Variants in EVC2 observed in about 807,000 individuals in gnomAD.
The protein encoded by EVC2 is limbin.
Under a neutral mutation model 149.3 loss-of-function variants are expected in EVC2, and 148 were observed. That is an observed-to-expected ratio of 0.99 (90% CI 0.87 to 1.14). The LOEUF (loss-of-function observed/expected upper bound fraction) is 1.14. EVC2 is among the 50% of genes most tolerant of loss of function. The probability of loss-of-function intolerance (pLI) is 0.00; values close to 1 mark genes in which losing one functional copy is unlikely to be tolerated. For synonymous variants in EVC2, 776 were observed against 649.9 expected, an observed-to-expected ratio of 1.19 and a Z score of -2.95; for missense variants, 1,854 against 1,627.3, an observed-to-expected ratio of 1.14 and a Z score of -2.40.
chr4:5,582,364 G>C (rs912710622), intron 17 of EVC2, among the ~76,000 whole-genome samples: 2 of 152,234 alleles, frequency 1.3e-5, no homozygotes, highest in Non-Finnish European at 2.9e-5. Flanking sequence ...ATGAGACATG[G>C]AGTCAAAGGA....
intron 16 of EVC2, among the ~76,000 whole-genome samples, chr4:5,588,002 TCTC>T (rs1712448716): frequency 6.6e-6 from 1 of 151,792 alleles, no homozygotes; most frequent in African/African-American, 2.4e-5. Context: ...TGAGGGGTGG[TCTC>T]CTCCCTGAGT....
chr4:5,560,816 G>C (rs1025375611), downstream of EVC2, among the ~76,000 whole-genome samples: 4 of 152,144 alleles, frequency 2.6e-5, no homozygotes, highest in Non-Finnish European at 5.9e-5. The surrounding 1 kb of genome is among the most constrained non-coding windows in gnomAD (Gnocchi z 4.1). Context: ...TACAGATAAA[G>C]AGACTGAAGT....
Position 5,668,789 on chromosome 4 carries a change from G to A in EVC2, c.871-3140C>T, listed in dbSNP as rs377412318. Among the ~76,000 whole-genome samples the A allele has an allele frequency of 3.3e-5, 5 of 152,294 alleles. No homozygotes were observed. In the South Asian group the frequency reaches 6.2e-4, roughly 19 times the overall value. On this transcript the variant is annotated intron_variant, in intron 7 of 21. Coordinates refer to ENST00000344408, the MANE Select transcript of EVC2 (RefSeq NM_147127.5). ...TAACAATTTTGATCACCAACAAAACGCCAATCTCTGGGCTAGGTAAATGTA... is the reference window on the plus strand; with the variant it reads ...TAACAATTTTGATCACCAACAAAACACCAATCTCTGGGCTAGGTAAATGTA...
intron 16 of EVC2, among the ~76,000 whole-genome samples, chr4:5,594,827 A>T (rs903693739): frequency 6.6e-6 from 1 of 152,304 alleles, no homozygotes; most frequent in African/African-American, 2.4e-5. Context: ...TTTGAAAAAA[A>T]TTTAGGCGAA....
chr4:5,586,435 TCCTCTCA>T (rs1712286326), intron 16 of EVC2, among the ~76,000 whole-genome samples: 2 of 152,070 alleles, frequency 1.3e-5, no homozygotes, highest in African/African-American at 4.8e-5. Flanking sequence ...AATGGACCAC[TCCTCTCA>T]GCAAGGGGAT....
intron 9 of EVC2, among the ~76,000 whole-genome samples, chr4:5,647,710 A>T (rs1168332217): frequency 6.6e-6 from 1 of 152,190 alleles, no homozygotes; most frequent in Non-Finnish European, 1.5e-5. Context: ...GGCAGGGAGG[A>T]CAGTGCCCCC....
the EVC2 span, among the ~76,000 whole-genome samples, chr4:5,537,434 C>CA: frequency 6.6e-6 from 1 of 152,284 alleles, no homozygotes; most frequent in South Asian, 2.1e-4. Context: ...TGTTTCCCAC[C>CA]AGCCAGACTT....
chr4:5,551,475 T>C (rs1215373433), intron 21 of EVC2, among the ~76,000 whole-genome samples: 1 of 152,250 alleles, frequency 6.6e-6, no homozygotes, highest in Admixed American at 6.5e-5. Context: ...GGAATGGCTG[T>C]ATTTACCCAA....
At chr4:5,598,206 T>A (rs922124556) in intron 16 of EVC2, among the ~76,000 whole-genome samples, 125 of 152,148 alleles carry the variant, frequency 8.2e-4, no homozygotes, top group Admixed American at 2.6e-3. Context: ...TTCACAGAAT[T>A]GGAAAAAACT....
At chr4:5,568,941 G>C (rs939265070) in intron 19 of EVC2, among the ~76,000 whole-genome samples, 1 of 152,218 alleles carries the variant, frequency 6.6e-6, no homozygotes, top group East Asian at 1.9e-4. Context: ...CAAAATGAAT[G>C]TACTTTCTCC....
At chr4:5,634,376 C>A (rs550112563) in intron 10 of EVC2, among the ~76,000 whole-genome samples, 1 of 152,148 alleles carries the variant, frequency 6.6e-6, no homozygotes, top group Non-Finnish European at 1.5e-5. Flanking sequence ...AGCTGGTGCC[C>A]AGTTATGTCG....
At chr4:5,571,623 A>G (rs1298859933) in intron 19 of EVC2, among the ~76,000 whole-genome samples, 1 of 152,126 alleles carries the variant, frequency 6.6e-6, no homozygotes, top group African/African-American at 2.4e-5. Flanking sequence ...GGACAAAGAG[A>G]GAAATGGAGG....
downstream of EVC2, among the ~76,000 whole-genome samples, chr4:5,558,656 G>A (rs1721884004): frequency 6.6e-6 from 1 of 152,160 alleles, no homozygotes; most frequent in African/African-American, 2.4e-5. Context: ...CATTTCAAAT[G>A]TAAGAAACAA....
chr4:5,623,941 C>A (rs1468044277), intron 13 of EVC2, among the ~76,000 whole-genome samples: 1 of 152,152 alleles, frequency 6.6e-6, no homozygotes, highest in Non-Finnish European at 1.5e-5. Context: ...TAGTTTACGC[C>A]AATGAACATC....
In EVC2 at chr4:5,598,250, C is replaced by T. The variant is rs1384191429; in HGVS notation, c.2830-13400G>A. On this transcript the variant is annotated intron_variant, in intron 16 of 21. Transcript: ENST00000344408. ...GTTCATATGGAACCAAAAAAGAGCC[C>T]GCATCGCCAAGTCAATCCTAAGCCA... 3.2e-4 allele frequency among the ~76,000 whole-genome samples: 49 copies of T among 151,826 alleles called. 1 individual carries two copies. The highest frequency in any genetic ancestry group is 4.6e-4 in the Non-Finnish European group (31 of 67,958).
intron 9 of EVC2, among the ~76,000 whole-genome samples, chr4:5,652,134 G>A (rs972589774): frequency 6.6e-5 from 10 of 152,310 alleles, no homozygotes; most frequent in African/African-American, 2.2e-4. Context: ...TGGACTGGAC[G>A]GTTAGGGATG....
intron 9 of EVC2, among the ~76,000 whole-genome samples, chr4:5,642,301 C>T (rs1037390691): frequency 1.3e-5 from 2 of 152,088 alleles, no homozygotes; most frequent in African/African-American, 4.8e-5. Context: ...TATTTTCTTC[C>T]AGCCTTTTTT....
chr4:5,611,884 TTC>T (rs767245014), intron 16 of EVC2, among the ~76,000 whole-genome samples: 11 of 152,210 alleles, frequency 7.2e-5, no homozygotes, highest in Non-Finnish European at 1.5e-4. Context: ...GAACTTTTGT[TTC>T]TCTGATTACA....
At chr4:5,533,999 C>CAT in the EVC2 span, among the ~76,000 whole-genome samples, 1 of 152,206 alleles carries the variant, frequency 6.6e-6, no homozygotes, top group South Asian at 2.1e-4. Context: ...AGCCAAGAGG[C>CAT]ATATCCTTCA....
Sources: gnomAD v4.1 joint callset for allele counts (sites outside exome capture counted in the v4.1 genomes callset) on GRCh38, gnomAD v4.1.1 for gene constraint, Gnocchi (gnomAD v3.1) non-coding constraint, MANE v1.5 for transcripts, NCBI Gene and HGNC (gene_info 2026-07-23, HGNC 2026-07-21) for gene names.